Variants in CACNA1E observed in about 807,000 individuals in gnomAD.
CACNA1E encodes calcium voltage-gated channel subunit alpha1 E.
In CACNA1E, 40 loss-of-function variants were observed where a neutral mutation model predicts 259.2. The observed-to-expected ratio is 0.15, with a 90% CI of 0.12 to 0.20. The LOEUF (loss-of-function observed/expected upper bound fraction) is 0.20, where lower values mean the gene tolerates loss of function less well. Among genes scored for constraint, CACNA1E ranks in the 10% least tolerant of loss-of-function variants. The probability of loss-of-function intolerance (pLI) is 1.00; values close to 1 mark genes in which losing one functional copy is unlikely to be tolerated. For missense variants in CACNA1E, 1,874 were observed against 3,040.1 expected (o/e 0.62, Z 9.02); for synonymous variants, 1,104 against 1,138.5 (o/e 0.97, Z 0.61).
Position 181,732,638 on chromosome 1 carries a change from G to A in CACNA1E, c.2552G>A (p.Ser851Asn). 8.0e-6 allele frequency: 12 copies of A among 1,497,144 alleles called. No homozygotes were observed. The highest frequency in any genetic ancestry group is 1.1e-5 in the Non-Finnish European group (12 of 1,124,722). 92.7% of individuals were successfully genotyped at this position (1,497,144 alleles called of 1,614,324 possible). A position where few individuals can be genotyped will look rare whatever the true frequency, so the allele number is the denominator to read the frequency against. ...GAGAAGTTCGAGGAGGAGCGCATCA[G>A]CCGTGGGGGGTCCCTCAAGGGGGAT... ...ALEKFEEERISRGGSLKGDGG... is the reference protein window; with the variant it reads ...ALEKFEEERINRGGSLKGDGG... The change falls in exon 20 of 48, where the codon AGC becomes AAC. Residue 851 changes from serine (S) to asparagine (N), a missense_variant. Coordinates refer to ENST00000367573, the MANE Select transcript of CACNA1E (RefSeq NM_001205293.3). This position sits in a 1 kb window ranked among gnomAD's most constrained non-coding sequence, Gnocchi z 5.5.
chr1:181,393,838 G>C (rs995339515), intron 1 of CACNA1E, among the ~76,000 whole-genome samples: 2 of 152,182 alleles, frequency 1.3e-5, no homozygotes, highest in African/African-American at 4.8e-5. Context: ...TACATTTCAA[G>C]TACTTGGAAA....
intron 7 of CACNA1E, among the ~76,000 whole-genome samples, chr1:181,695,098 TTTAAA>T (rs747779534): frequency 1.2e-4 from 19 of 152,206 alleles, no homozygotes; most frequent in Admixed American, 1.1e-3. Flanking sequence ...TAAATTTAAA[TTTAAA>T]TTAACTAAAA....
chr1:181,762,725 A>C, intron 33 of CACNA1E, 68 bp downstream of exon 33: 1 of 890,208 alleles, frequency 1.1e-6, no homozygotes, highest in Non-Finnish European at 1.8e-6. Context: ...ACTCCTCTGT[A>C]TATTCAGTCC....
chr1:181,630,564 G>A (rs975255433), intron 6 of CACNA1E, among the ~76,000 whole-genome samples: 2 of 152,042 alleles, frequency 1.3e-5, no homozygotes, highest in Admixed American at 1.3e-4. Context: ...CTGGGAATAC[G>A]GCCCAGGCAC....
At chr1:181,695,435 G>T (rs997141617) in intron 7 of CACNA1E, among the ~76,000 whole-genome samples, 3 of 152,136 alleles carry the variant, frequency 2.0e-5, no homozygotes, top group African/African-American at 7.2e-5. Flanking sequence ...TCTAAAAAGA[G>T]AACAAAATTG....
chr1:181,393,191 G>A (rs900243752), intron 1 of CACNA1E, among the ~76,000 whole-genome samples: 1 of 152,300 alleles, frequency 6.6e-6, no homozygotes, highest in Admixed American at 6.5e-5. Context: ...GGCTGCCGGG[G>A]TTCAAATCCT....
intron 2 of CACNA1E, among the ~76,000 whole-genome samples, chr1:181,458,860 TC>T (rs897347182): frequency 4.8e-5 from 7 of 146,070 alleles, no homozygotes; most frequent in Admixed American, 1.3e-4. Flanking sequence ...CATCCATCCA[TC>T]CATCCATCCA....
intron 6 of CACNA1E, among the ~76,000 whole-genome samples, chr1:181,582,795 A>G (rs1004292785): frequency 6.6e-6 from 1 of 152,178 alleles, no homozygotes; most frequent in Non-Finnish European, 1.5e-5. Flanking sequence ...CTCTCTCCCC[A>G]GTTACCTGTC....
chr1:181,728,908 C>G (rs1655183770), intron 18 of CACNA1E, among the ~76,000 whole-genome samples: 1 of 107,018 alleles, frequency 9.3e-6, no homozygotes, highest in Admixed American at 9.0e-5. Context: ...TGTGTGTGCC[C>G]TGCACAGATG....
chr1:181,582,929 A>AT (rs1192873423), intron 6 of CACNA1E, among the ~76,000 whole-genome samples: 1 of 152,138 alleles, frequency 6.6e-6, no homozygotes, highest in African/African-American at 2.4e-5. Flanking sequence ...CTTTTATTGC[A>AT]TGGGTGTCCA....
intron 1 of CACNA1E, among the ~76,000 whole-genome samples, chr1:181,353,309 G>T (rs1191664083): frequency 6.6e-6 from 1 of 152,190 alleles, no homozygotes; most frequent in African/African-American, 2.4e-5. Flanking sequence ...CCCCAAGTTT[G>T]TCCAGTCGGA....
intron 3 of CACNA1E, among the ~76,000 whole-genome samples, chr1:181,538,181 G>A (rs1668315696): frequency 6.6e-6 from 1 of 152,102 alleles, no homozygotes; most frequent in Non-Finnish European, 1.5e-5. Context: ...TTGAGTTATT[G>A]GTGCTTGAAA....
intron 45 of CACNA1E, among the ~76,000 whole-genome samples, chr1:181,794,614 C>A (rs1471219967): frequency 6.6e-6 from 1 of 152,198 alleles, no homozygotes; most frequent in Admixed American, 6.5e-5. Context: ...ATGGCTTTGC[C>A]TTGGTACACT....
upstream of CACNA1E, among the ~76,000 whole-genome samples, chr1:181,479,442 C>A (rs945759891): frequency 6.6e-6 from 1 of 152,208 alleles, no homozygotes; most frequent in East Asian, 1.9e-4. Flanking sequence ...TGACTAATTG[C>A]TAATTTTCCA....
At chr1:181,678,956 T>C (rs573876936) in intron 7 of CACNA1E, among the ~76,000 whole-genome samples, 10 of 152,372 alleles carry the variant, frequency 6.6e-5, no homozygotes, top group African/African-American at 2.4e-4. Context: ...TTTTTATCTT[T>C]GAGTTAAGGC....
chr1:181,750,564 G>C, intron 26 of CACNA1E, 77 bp downstream of exon 26: 2 of 1,383,942 alleles, frequency 1.4e-6, no homozygotes, highest in East Asian at 4.6e-5. Flanking sequence ...GGTTGGGAGG[G>C]GAGGGGCTCA....
At chr1:181,424,806 G>A (rs1283279099) in intron 2 of CACNA1E, among the ~76,000 whole-genome samples, 1 of 152,120 alleles carries the variant, frequency 6.6e-6, no homozygotes, top group African/African-American at 2.4e-5. Flanking sequence ...TCTGCAGCCT[G>A]GTGCTCAAGC....
chr1:181,547,963 A>C (rs978860369), intron 3 of CACNA1E, among the ~76,000 whole-genome samples: 4 of 152,142 alleles, frequency 2.6e-5, no homozygotes, highest in African/African-American at 9.7e-5. Flanking sequence ...ACTGGGTTTC[A>C]AGGACAATTC....
chr1:181,738,545 G>A, intron 24 of CACNA1E, 119 bp downstream of exon 24: 1 of 773,678 alleles, frequency 1.3e-6, no homozygotes, highest in East Asian at 2.4e-5. Context: ...CCTCAGTAGA[G>A]CTTCTGCCGC....
Sources: allele counts gnomAD v4.1 joint callset (sites outside exome capture counted in the v4.1 genomes callset), GRCh38; gene constraint gnomAD v4.1.1; non-coding constraint Gnocchi (gnomAD v3.1); transcripts MANE v1.5; gene names NCBI Gene and HGNC (gene_info 2026-07-23, HGNC 2026-07-21).